The following PJA2 variants were observed in gnomAD, a reference collection of about 807,000 sequenced individuals.
The protein encoded by PJA2 is E3 ubiquitin-protein ligase Praja-2.
In PJA2, 25 loss-of-function variants were observed where a neutral mutation model predicts 69.3. The observed-to-expected ratio is 0.36, with a 90% CI of 0.26 to 0.50. The LOEUF (loss-of-function observed/expected upper bound fraction) is 0.50. PJA2 is among the 20% of genes least tolerant of loss of function. PJA2 has a pLI of 0.96. For synonymous variants in PJA2, 308 were observed against 277.8 expected, an observed-to-expected ratio of 1.11 and a Z score of -1.08; for missense variants, 809 against 830.2, an observed-to-expected ratio of 0.97 and a Z score of 0.31.
At chr5:109,405,502 T>C (rs1747664742) in intron 1 of PJA2, among the ~76,000 whole-genome samples, 1 of 152,206 alleles carries the variant, frequency 6.6e-6, no homozygotes, top group Non-Finnish European at 1.5e-5. Flanking sequence ...TATTACCTAA[T>C]TTCAATACTT....
intron 7 of PJA2, among the ~76,000 whole-genome samples, chr5:109,353,048 T>A (rs866948840): frequency 8.6e-6 from 1 of 116,254 alleles, no homozygotes; most frequent in African/African-American, 3.4e-5. Flanking sequence ...GATACCTATA[T>A]CATAGACATC....
At chr5:109,348,984 T>C (rs188857695) in intron 7 of PJA2, among the ~76,000 whole-genome samples, 1 of 152,328 alleles carries the variant, frequency 6.6e-6, no homozygotes, top group Non-Finnish European at 1.5e-5. Context: ...AGTCTTTATA[T>C]AAGAGAATAT....
chr5:109,367,143 A>AATATATAT (rs1554054261), intron 5 of PJA2, among the ~76,000 whole-genome samples: 3 of 143,214 alleles, frequency 2.1e-5, no homozygotes, highest in African/African-American at 7.7e-5. Context: ...CAAAAAAAAA[A>AATATATAT]ATATATATAT....
chr5:109,346,685 C>A (rs1159112794), intron 7 of PJA2, among the ~76,000 whole-genome samples: 2 of 152,178 alleles, frequency 1.3e-5, no homozygotes, highest in Non-Finnish European at 2.9e-5. Flanking sequence ...ATGATTCTTA[C>A]ATGAGATACC....
At chr5:109,405,756 T>A (rs1747672542) in intron 1 of PJA2, among the ~76,000 whole-genome samples, 1 of 152,162 alleles carries the variant, frequency 6.6e-6, no homozygotes, top group Non-Finnish European at 1.5e-5. Context: ...TAATGTGCCT[T>A]GACATGAAAG....
intron 1 of PJA2, among the ~76,000 whole-genome samples, chr5:109,385,541 T>C (rs1293098264): frequency 1.3e-5 from 2 of 152,234 alleles, no homozygotes; most frequent in Non-Finnish European, 2.9e-5. Context: ...GTTTGAGATA[T>C]CTATTAGACA....
At chr5:109,374,924 G>C (rs1170459572) in intron 4 of PJA2, among the ~76,000 whole-genome samples, 1 of 152,150 alleles carries the variant, frequency 6.6e-6, no homozygotes, top group African/African-American at 2.4e-5. Flanking sequence ...CAAAAGAGCA[G>C]GGTATTAACC....
intron 1 of PJA2, among the ~76,000 whole-genome samples, chr5:109,396,255 T>C (rs189318084): frequency 6.6e-6 from 1 of 152,150 alleles, no homozygotes; most frequent in African/African-American, 2.4e-5. Flanking sequence ...TCAACATTCA[T>C]TAAAGTTTAA....
intron 7 of PJA2, among the ~76,000 whole-genome samples, chr5:109,349,054 G>C (rs1361758197): frequency 1.3e-5 from 2 of 152,156 alleles, no homozygotes; most frequent in Non-Finnish European, 2.9e-5. Flanking sequence ...AATGCCTCTT[G>C]GAACTAGCCA....
chr5:109,408,564 T>C (rs1185040506), intron 1 of PJA2, among the ~76,000 whole-genome samples: 2 of 152,196 alleles, frequency 1.3e-5, no homozygotes, highest in Non-Finnish European at 2.9e-5. Context: ...CGTGTACTTG[T>C]ATGTGTCTAG....
rs1272538036 is a variant in PJA2 at position 109,372,923 on chromosome 5, A to AAAAAAAAAAAG, written c.1284-4178_1284-4177insCTTTTTTTTTT. On this transcript the variant is annotated intron_variant, in intron 4 of 9. Coordinates refer to ENST00000361189, the MANE Select transcript of PJA2 (RefSeq NM_014819.5). ...TCCGTCTCAAAAAAAAAAAAAAAAA[A>AAAAAAAAAAAG]AAAGAAAGAAAGAAAAAAAAATTAG... Among the ~76,000 whole-genome samples the AAAAAAAAAAAG allele has an allele frequency of 4.3e-4, 59 of 136,842 alleles. 2 individuals are homozygous for AAAAAAAAAAAG. Among genetic ancestry groups the AAAAAAAAAAAG allele is most frequent in the Non-Finnish European group, 8.2e-4 (52 of 63,610 alleles). 89.8% of individuals were successfully genotyped at this position (136,842 alleles called of 152,430 possible).
rs1746970811 is a variant in PJA2, at chr5:109,379,007, A to G, written c.480T>C (p.Ile160=). The G allele has an allele frequency of 1.2e-6, 2 of 1,614,184 alleles. No homozygotes were observed. The highest frequency in any genetic ancestry group is 1.7e-6 in the Non-Finnish European group (2 of 1,180,020). Residue 160 remains isoleucine (I), a synonymous_variant, in exon 4 of 10, where the codon ATT becomes ATC. Coordinates refer to ENST00000361189, the MANE Select transcript of PJA2 (RefSeq NM_014819.5). ...CATAAGAGTCTGTATGAACCAATGC[A>G]ATTCCATTTTGGACACTTGAAGCAC... ...ACSASSVQNG[I]ALVHTDSYDP...
chr5:109,363,417 A>G (rs1762531928), intron 5 of PJA2, among the ~76,000 whole-genome samples: 1 of 152,136 alleles, frequency 6.6e-6, no homozygotes, highest in Non-Finnish European at 1.5e-5. Context: ...TACATAACAC[A>G]TGCTTTCTGC....
intron 9 of PJA2, among the ~76,000 whole-genome samples, chr5:109,340,620 C>G (rs545302367): frequency 0.38 from 184 of 484 alleles, 5 homozygotes; most frequent in Admixed American, 0.46. Flanking sequence ...TATTGGGTCC[C>G]TCCCCCTCCC....
At chr5:109,339,839 T>C (rs947604989) in intron 9 of PJA2, among the ~76,000 whole-genome samples, 3 of 152,236 alleles carry the variant, frequency 2.0e-5, no homozygotes, top group Admixed American at 6.5e-5. Flanking sequence ...GGTTGGTATA[T>C]TGTACAGCAC....
At chr5:109,349,637 TTC>T (rs1276860935) in intron 7 of PJA2, among the ~76,000 whole-genome samples, 1 of 152,158 alleles carries the variant, frequency 6.6e-6, no homozygotes, top group East Asian at 1.9e-4. Flanking sequence ...CCCAAGTGAC[TTC>T]TCTCTCATAC....
At chr5:109,341,472 C>T (rs1193006203) in intron 9 of PJA2, among the ~76,000 whole-genome samples, 1,338 of 133,174 alleles carry the variant, frequency 0.01, 1 homozygote, top group African/African-American at 0.037. Context: ...AGTGAGGAGC[C>T]TCTCCGCCCG....
At chr5:109,375,686 T>C (rs1746848974) in intron 4 of PJA2, among the ~76,000 whole-genome samples, 1 of 152,178 alleles carries the variant, frequency 6.6e-6, no homozygotes, top group South Asian at 2.1e-4. Flanking sequence ...CAGCAGCTCT[T>C]ATACTTTCCA....
intron 7 of PJA2, among the ~76,000 whole-genome samples, chr5:109,351,018 C>T (rs1012263137): frequency 1.3e-5 from 2 of 151,440 alleles, no homozygotes; most frequent in Non-Finnish European, 2.9e-5. Context: ...TAAAAGCATA[C>T]TTCTTACCCA....
Sources: gnomAD v4.1 joint callset for allele counts (sites outside exome capture counted in the v4.1 genomes callset) on GRCh38, gnomAD v4.1.1 for gene constraint, MANE v1.5 for transcripts, NCBI Gene and HGNC (gene_info 2026-07-23, HGNC 2026-07-21) for gene names.